Variants in RABGEF1 observed in about 807,000 individuals in gnomAD.
RABGEF1 encodes the protein RAB guanine nucleotide exchange factor 1.
Under a neutral mutation model 57.3 loss-of-function variants are expected in RABGEF1, and 26 were observed. That is an observed-to-expected ratio of 0.45 (90% CI 0.33 to 0.63). The LOEUF (loss-of-function observed/expected upper bound fraction) is 0.63, where lower values mean the gene tolerates loss of function less well. Ranked by LOEUF, RABGEF1 falls within the 20% of genes least tolerant of loss-of-function variation. RABGEF1 has a pLI of 0.02. For missense variants in RABGEF1, 464 were observed against 607.6 expected, an observed-to-expected ratio of 0.76 and a Z score of 2.48; for synonymous variants, 185 against 210.7, an observed-to-expected ratio of 0.88 and a Z score of 1.06.
At chr7:66,735,014 G>T (rs538959887) in intron 2 of RABGEF1, among the ~76,000 whole-genome samples, 1 of 152,248 alleles carries the variant, frequency 6.6e-6, no homozygotes, top group African/African-American at 2.4e-5. Context: ...AGGAAGTTAA[G>T]GAAAATTTAT....
At chr7:66,738,862 A>C (rs1798377867), upstream of RABGEF1, among the ~76,000 whole-genome samples, 1 of 152,190 alleles carries the variant, frequency 6.6e-6, no homozygotes, top group Non-Finnish European at 1.5e-5. Flanking sequence ...TCTTTTGGTA[A>C]TAGCAATTAC....
intron 4 of RABGEF1, among the ~76,000 whole-genome samples, chr7:66,790,238 T>C (rs941715984): frequency 6.6e-6 from 1 of 152,206 alleles, no homozygotes; most frequent in Non-Finnish European, 1.5e-5. Context: ...TGTGAAACTC[T>C]CAACAATGAG....
At chr7:66,694,639 C>T (rs1362851511) in intron 1 of RABGEF1, among the ~76,000 whole-genome samples, 3 of 152,186 alleles carry the variant, frequency 2.0e-5, no homozygotes, top group South Asian at 2.1e-4. Flanking sequence ...GTGGATGTCA[C>T]GATACCCCGG....
the RABGEF1 span, among the ~76,000 whole-genome samples, chr7:66,658,528 G>A: frequency 5.5e-5 from 7 of 128,020 alleles, no homozygotes; most frequent in South Asian, 2.4e-4. Flanking sequence ...GTGAGACTTC[G>A]TCTCCAAAAA....
At chr7:66,777,904 A>T (rs1394366285) in intron 3 of RABGEF1, among the ~76,000 whole-genome samples, 1 of 152,152 alleles carries the variant, frequency 6.6e-6, no homozygotes, top group Non-Finnish European at 1.5e-5. Context: ...ATCTTTTTGA[A>T]TGATAGATTT....
intron 3 of RABGEF1, among the ~76,000 whole-genome samples, chr7:66,776,719 A>G (rs1169114129): frequency 6.6e-6 from 1 of 152,236 alleles, no homozygotes; most frequent in Non-Finnish European, 1.5e-5. Context: ...AAGAAAAAAG[A>G]TTGATTACAT....
At chr7:66,762,450 G>C (rs528655497) in intron 1 of RABGEF1, among the ~76,000 whole-genome samples, 3 of 152,000 alleles carry the variant, frequency 2.0e-5, no homozygotes, top group Non-Finnish European at 4.4e-5. Context: ...ACTTAGCCAG[G>C]CATGGTGCCA....
intron 1 of RABGEF1, among the ~76,000 whole-genome samples, chr7:66,763,074 T>C (rs1438477644): frequency 2.0e-5 from 3 of 152,228 alleles, no homozygotes; most frequent in African/African-American, 7.2e-5. Context: ...CATAGCTCGC[T>C]GCAGCCTCAA....
At chr7:66,701,088 G>A (rs2117251851) in intron 1 of RABGEF1, among the ~76,000 whole-genome samples, 1 of 132,382 alleles carries the variant, frequency 7.6e-6, no homozygotes, top group East Asian at 2.5e-4. Flanking sequence ...GCAGGGGTGG[G>A]GACTGTTTGT....
chr7:66,710,541 C>T (rs1794651662), intron 1 of RABGEF1, among the ~76,000 whole-genome samples: 1 of 152,208 alleles, frequency 6.6e-6, no homozygotes, highest in Admixed American at 6.5e-5. Context: ...TCTTTGTCAG[C>T]ACTTATATGA....
At chr7:66,680,889 T>C (rs1650524201), upstream of RABGEF1, among the ~76,000 whole-genome samples, 1 of 152,118 alleles carries the variant, frequency 6.6e-6, no homozygotes, top group African/African-American at 2.4e-5. Flanking sequence ...CAAACCAGCC[T>C]GGCCAACATG....
intron 4 of RABGEF1, among the ~76,000 whole-genome samples, chr7:66,794,039 A>T (rs149697057): frequency 1.1e-3 from 161 of 152,176 alleles, no homozygotes; most frequent in African/African-American, 3.6e-3. Context: ...GTTTGCTTTC[A>T]TCTTTTGAAC....
chr7:66,732,289 G>A (rs1262837251), intron 2 of RABGEF1, among the ~76,000 whole-genome samples: 1 of 152,218 alleles, frequency 6.6e-6, no homozygotes, highest in Non-Finnish European at 1.5e-5. Flanking sequence ...GAGCCTCATT[G>A]AGCAGGGGGT....
intron 1 of RABGEF1, among the ~76,000 whole-genome samples, chr7:66,710,675 T>G (rs1794663410): frequency 6.6e-6 from 1 of 152,256 alleles, no homozygotes; most frequent in Non-Finnish European, 1.5e-5. Flanking sequence ...CTGTTTTGTC[T>G]TCTTTGGAGA....
At chr7:66,729,925 G>T (rs1322995104) in intron 2 of RABGEF1, among the ~76,000 whole-genome samples, 1 of 152,146 alleles carries the variant, frequency 6.6e-6, no homozygotes, top group African/African-American at 2.4e-5. Context: ...ATCTGTGGGT[G>T]GCTCATCATC....
At chr7:66,794,020 G>A (rs1176331628) in intron 4 of RABGEF1, among the ~76,000 whole-genome samples, 3 of 152,196 alleles carry the variant, frequency 2.0e-5, no homozygotes, top group African/African-American at 2.4e-5. Context: ...AATTTCACCC[G>A]AATAATTTGT....
At chr7:66,788,847 A>G (rs903399589) in intron 4 of RABGEF1, among the ~76,000 whole-genome samples, 1 of 151,764 alleles carries the variant, frequency 6.6e-6, no homozygotes, top group African/African-American at 2.4e-5. Flanking sequence ...CCCAGCTACT[A>G]GGGAGGCTGA....
chr7:66,700,383 G>A (rs1278325866), intron 1 of RABGEF1, among the ~76,000 whole-genome samples: 1 of 151,758 alleles, frequency 6.6e-6, no homozygotes, highest in Non-Finnish European at 1.5e-5. Flanking sequence ...GGATGAGGGA[G>A]TGACTAGAGG....
intron 1 of RABGEF1, among the ~76,000 whole-genome samples, chr7:66,751,335 C>T (rs1220349835): frequency 6.6e-6 from 1 of 152,192 alleles, no homozygotes; most frequent in African/African-American, 2.4e-5. Flanking sequence ...CTGGCCTTCC[C>T]TCTTTTTTTC....
Sources: gnomAD v4.1 joint callset for allele counts (sites outside exome capture counted in the v4.1 genomes callset) on GRCh38, gnomAD v4.1.1 for gene constraint, MANE v1.5 for transcripts, NCBI Gene and HGNC (gene_info 2026-07-23, HGNC 2026-07-21) for gene names.